Variants in PAK5 observed in about 807,000 individuals in gnomAD.
The protein encoded by PAK5 is serine/threonine-protein kinase PAK 5.
In PAK5, 16 loss-of-function variants were observed where a neutral mutation model predicts 65.9. The ratio of observed to expected loss-of-function variants is 0.24; its 90% CI spans 0.16 to 0.37. The LOEUF is 0.37. Among genes scored for constraint, PAK5 ranks in the 10% least tolerant of loss-of-function variants. The pLI is 1.00. For missense variants in PAK5, 785 were observed against 903.9 expected (o/e 0.87, Z 1.69); for synonymous variants, 371 against 354.9 (o/e 1.05, Z -0.51).
intron 7 of PAK5, among the ~76,000 whole-genome samples, chr20:9,549,560 A>T (rs2045395853): frequency 6.6e-6 from 1 of 152,192 alleles, no homozygotes; most frequent in African/African-American, 2.4e-5. Context: ...AGGTGTAGAC[A>T]TGCTGGTAAA....
chr20:9,810,541 G>C (rs748379789), intron 1 of PAK5, among the ~76,000 whole-genome samples: 2 of 152,170 alleles, frequency 1.3e-5, no homozygotes, highest in African/African-American at 4.8e-5. Context: ...GCAAGACCCT[G>C]TCTCCAAAGA....
At chr20:9,617,187 T>C (rs1010141312) in intron 3 of PAK5, among the ~76,000 whole-genome samples, 20 of 152,238 alleles carry the variant, frequency 1.3e-4, no homozygotes, top group African/African-American at 4.1e-4. Flanking sequence ...CCCTGCCAAG[T>C]TAAAGCTTCA....
chr20:9,597,575 T>G (rs573170300), intron 3 of PAK5, among the ~76,000 whole-genome samples: 1 of 152,364 alleles, frequency 6.6e-6, no homozygotes, highest in South Asian at 2.1e-4. Flanking sequence ...TCTGTCTGTA[T>G]GCATGTCCTT....
chr20:9,638,632 G>C (rs2047011418), intron 3 of PAK5, among the ~76,000 whole-genome samples: 1 of 152,158 alleles, frequency 6.6e-6, no homozygotes. Flanking sequence ...TCTGAGAATG[G>C]AGCCCAGCAA....
At position 9,646,802 on chromosome 20, in the gene PAK5, C is replaced by G. The variant is rs144859875; in HGVS notation, c.-11-2463G>C. On this transcript the variant is annotated intron_variant, in intron 2 of 9. Coordinates refer to ENST00000353224, the MANE Select transcript of PAK5 (RefSeq NM_177990.4). ...AACAGCAGTCAGCATGAAAACAAAG[C>G]CAGCCTATCCTGCTGGAAGATGAGG... Among the ~76,000 whole-genome samples the G allele has an allele frequency of 5.6e-4, 86 of 152,336 alleles. 5 individuals carry two copies. The highest frequency in any genetic ancestry group is 2.1e-4 in the Non-Finnish European group (14 of 68,040).
chr20:9,798,263 G>A (rs1033751815), intron 1 of PAK5, among the ~76,000 whole-genome samples: 7 of 152,034 alleles, frequency 4.6e-5, no homozygotes, highest in Non-Finnish European at 1.0e-4. Flanking sequence ...AAAAAAAATG[G>A]TTCATAGCTA....
At chr20:9,634,479 C>T (rs1467888611) in intron 3 of PAK5, among the ~76,000 whole-genome samples, 2 of 152,102 alleles carry the variant, frequency 1.3e-5, no homozygotes, top group African/African-American at 4.8e-5. Flanking sequence ...TTATGTAAAA[C>T]CCTGCAAAAC....
At chr20:9,625,914 G>C (rs905654978) in intron 3 of PAK5, among the ~76,000 whole-genome samples, 17 of 152,340 alleles carry the variant, frequency 1.1e-4, no homozygotes, top group Non-Finnish European at 2.4e-4. Context: ...AATCAAATCA[G>C]TGACAAAACC....
chr20:9,660,726 T>C (rs550975209), intron 2 of PAK5, among the ~76,000 whole-genome samples: 1 of 152,130 alleles, frequency 6.6e-6, no homozygotes, highest in South Asian at 2.1e-4. Flanking sequence ...GGCCAAAGAG[T>C]TCTAGTAAGA....
chr20:9,790,021 G>T, intron 1 of PAK5, among the ~76,000 whole-genome samples: 1 of 152,088 alleles, frequency 6.6e-6, no homozygotes, highest in East Asian at 1.9e-4. Context: ...GGAGGGAGCT[G>T]GCAGAATTTA....
intron 6 of PAK5, among the ~76,000 whole-genome samples, chr20:9,559,190 C>A (rs1020861539): frequency 6.6e-6 from 1 of 152,046 alleles, no homozygotes; most frequent in Non-Finnish European, 1.5e-5. Flanking sequence ...TCTTCCCTAT[C>A]CCATGTTAAA....
At chr20:9,768,340 C>T (rs1198108860) in intron 1 of PAK5, among the ~76,000 whole-genome samples, 1 of 151,948 alleles carries the variant, frequency 6.6e-6, no homozygotes, top group East Asian at 1.9e-4. Flanking sequence ...ACACTGTAGA[C>T]TATAGATGGG....
chr20:9,572,464 C>A (rs1603221042), intron 4 of PAK5, among the ~76,000 whole-genome samples: 1 of 152,266 alleles, frequency 6.6e-6, no homozygotes, highest in Admixed American at 6.5e-5. Flanking sequence ...GCAAAGCAGT[C>A]CAGCTTAAAC....
chr20:9,641,815 C>T (rs376541561), intron 3 of PAK5, among the ~76,000 whole-genome samples: 17 of 152,288 alleles, frequency 1.1e-4, no homozygotes, highest in South Asian at 8.3e-4. Flanking sequence ...GTACACCCTC[C>T]GCAGCCACTG....
intron 2 of PAK5, among the ~76,000 whole-genome samples, chr20:9,702,798 TA>T (rs1259752033): frequency 4.6e-5 from 7 of 152,158 alleles, no homozygotes; most frequent in Non-Finnish European, 1.0e-4. Flanking sequence ...TTATAGTAGT[TA>T]AGGCCACCTG....
intron 4 of PAK5, among the ~76,000 whole-genome samples, chr20:9,570,380 T>C (rs1026292300): frequency 2.0e-5 from 3 of 152,222 alleles, no homozygotes; most frequent in Non-Finnish European, 4.4e-5. Flanking sequence ...CATTAATATA[T>C]TGAACAATGT....
At chr20:9,642,255 C>A (rs1015674328) in intron 3 of PAK5, among the ~76,000 whole-genome samples, 2 of 152,184 alleles carry the variant, frequency 1.3e-5, no homozygotes, top group Non-Finnish European at 1.5e-5. Context: ...TGGTTGAACT[C>A]GTTTACAGTC....
intron 2 of PAK5, among the ~76,000 whole-genome samples, chr20:9,686,542 C>T (rs1043894128): frequency 1.3e-5 from 2 of 152,118 alleles, no homozygotes; most frequent in Non-Finnish European, 2.9e-5. Flanking sequence ...CAGGTGTGCG[C>T]CCCTGCAGCC....
rs1468626880 is a variant in PAK5 at position 9,566,166 on chromosome 20, G to A, written c.1209C>T (p.Ser403=). 3.7e-6 allele frequency: 6 copies of A among 1,613,824 alleles called. No individual in the cohort carries two copies. The highest frequency in any genetic ancestry group is 5.1e-6 in the Non-Finnish European group (6 of 1,179,996). Residue 403 remains serine, a synonymous_variant, in exon 5 of 10, where the codon TCC becomes TCT. Coordinates refer to ENST00000353224, the MANE Select transcript of PAK5 (RefSeq NM_177990.4). ...QYISTASYLS[S]LSLSSSTYPP... Reference sequence around the variant, plus strand: ...GGTAGGTGCTGGATGAGAGGCTGAGGGAGCTCAGGTAGGAAGCCGTGGAGA... The same window carrying A: ...GGTAGGTGCTGGATGAGAGGCTGAGAGAGCTCAGGTAGGAAGCCGTGGAGA...
Sources: allele counts gnomAD v4.1 joint callset (sites outside exome capture counted in the v4.1 genomes callset), GRCh38; gene constraint gnomAD v4.1.1; transcripts MANE v1.5; gene names NCBI Gene and HGNC (gene_info 2026-07-23, HGNC 2026-07-21).